Variants in CPNE4 observed in about 807,000 individuals in gnomAD.
CPNE4 encodes the protein copine 4.
A neutral mutation model predicts 67.9 loss-of-function variants in CPNE4; 25 were observed. The ratio of observed to expected loss-of-function variants is 0.37; its 90% CI spans 0.27 to 0.51. The LOEUF (loss-of-function observed/expected upper bound fraction) is 0.51. Ranked by LOEUF, CPNE4 falls within the 20% of genes least tolerant of loss-of-function variation. The pLI is 0.93. For missense variants in CPNE4, 464 were observed against 690.8 expected (o/e 0.67, Z 3.68); for synonymous variants, 242 against 244.9 (o/e 0.99, Z 0.11).
intron 12 of CPNE4, among the ~76,000 whole-genome samples, chr3:131,553,892 A>G (rs1936320245): frequency 6.6e-6 from 1 of 152,068 alleles, no homozygotes; most frequent in Non-Finnish European, 1.5e-5. Flanking sequence ...GGGGACCCGA[A>G]ATGGGGAAAT....
intron 7 of CPNE4, among the ~76,000 whole-genome samples, chr3:131,644,217 G>A (rs1416314336): frequency 6.6e-6 from 1 of 151,576 alleles, no homozygotes; most frequent in Non-Finnish European, 1.5e-5. Flanking sequence ...GCATGATCTC[G>A]GCTCACTGCA....
At chr3:131,559,433 C>G (rs1936640164) in intron 11 of CPNE4, among the ~76,000 whole-genome samples, 1 of 151,886 alleles carries the variant, frequency 6.6e-6, no homozygotes, top group African/African-American at 2.4e-5. Context: ...GAAAAACACC[C>G]CATTATCTGT....
At position 131,901,908 on chromosome 3, in the gene CPNE4, A is replaced by G. The variant is rs768544121; in HGVS notation, c.180+3356T>C. ...GAATATTTAACAGTGTGCTCTCAGG[A>G]GACTATATAAGCTGACTCCAACACA... On this transcript the variant is annotated intron_variant, in intron 2 of 15. Coordinates refer to ENST00000429747, the MANE Select transcript of CPNE4 (RefSeq NM_130808.3). Among the ~76,000 whole-genome samples, 194 of 152,072 alleles carry G rather than the reference A, an allele frequency of 1.3e-3. 1 individual carries two copies. The highest frequency in any genetic ancestry group is 2.1e-3 in the Non-Finnish European group (141 of 68,000).
intron 7 of CPNE4, among the ~76,000 whole-genome samples, chr3:131,601,116 C>T (rs974633802): frequency 2.6e-4 from 40 of 152,182 alleles, no homozygotes; most frequent in Admixed American, 1.1e-3. Context: ...CGGGGTCATT[C>T]AGAATTCAAT....
chr3:131,628,604 C>A (rs111724934), intron 7 of CPNE4, among the ~76,000 whole-genome samples: 4,907 of 152,194 alleles, frequency 0.032, 74 homozygotes, highest in African/African-American at 0.11. Flanking sequence ...AGGGATTCAA[C>A]TTCTTCCTGG....
chr3:131,953,393 T>C (rs187833548), intron 1 of CPNE4, among the ~76,000 whole-genome samples: 237 of 152,266 alleles, frequency 1.6e-3, no homozygotes, highest in African/African-American at 4.3e-3. Flanking sequence ...AGTATATTTC[T>C]TCTATGCCTA....
intron 7 of CPNE4, among the ~76,000 whole-genome samples, chr3:131,637,872 G>A (rs551537605): frequency 4.9e-4 from 74 of 152,074 alleles, no homozygotes; most frequent in Non-Finnish European, 9.7e-4. Context: ...AGGGATTGGG[G>A]TCCTATTCTT....
At chr3:131,665,686 A>AACAAACAG (rs2080241742) in intron 7 of CPNE4, among the ~76,000 whole-genome samples, 1 of 151,926 alleles carries the variant, frequency 6.6e-6, no homozygotes, top group Admixed American at 6.6e-5. Context: ...CAAACAAACA[A>AACAAACAG]AAAACAGAAA....
intron 7 of CPNE4, among the ~76,000 whole-genome samples, chr3:131,595,784 T>C (rs1043377054): frequency 6.6e-6 from 1 of 152,082 alleles, no homozygotes; most frequent in Non-Finnish European, 1.5e-5. Flanking sequence ...ATCTCCAACA[T>C]TGGGAATCAC....
chr3:131,596,798 G>A lies in CPNE4; in HGVS notation c.682-9216C>T, dbSNP rs116446504. Among the ~76,000 whole-genome samples, 191 of 152,156 alleles carry A rather than the reference G, an allele frequency of 1.3e-3. 2 individuals carry two copies. The highest frequency in any genetic ancestry group is 4.5e-3 in the African/African-American group (186 of 41,508). On this transcript the variant is annotated intron_variant, in intron 7 of 15. Coordinates refer to ENST00000429747, the MANE Select transcript of CPNE4 (RefSeq NM_130808.3). Reference sequence around the variant, plus strand: ...GCTCCTGCCCTAAAATTTCCAGTCTGCCCTTCCTGATGGCCTGATATACAG... The same window carrying A: ...GCTCCTGCCCTAAAATTTCCAGTCTACCCTTCCTGATGGCCTGATATACAG...
intron 2 of CPNE4, among the ~76,000 whole-genome samples, chr3:131,804,484 AC>A (rs1429745117): frequency 6.6e-6 from 1 of 152,130 alleles, no homozygotes; most frequent in African/African-American, 2.4e-5. Context: ...GCTTTATATA[AC>A]CTGATCTGTA....
At chr3:131,978,137 TAAATATATATA>T in intron 1 of CPNE4, among the ~76,000 whole-genome samples, 1 of 81,648 alleles carries the variant, frequency 1.2e-5, no homozygotes, top group Non-Finnish European at 2.1e-5. Context: ...TATATTTATA[TAAATATATATA>T]AAATATATAA....
At chr3:131,776,466 G>A (rs2083293413) in intron 2 of CPNE4, among the ~76,000 whole-genome samples, 1 of 152,094 alleles carries the variant, frequency 6.6e-6, no homozygotes, top group African/African-American at 2.4e-5. Flanking sequence ...GAGGCTGATG[G>A]CATCTTTGTT....
At chr3:131,861,558 GTAGTTGGGA>G (rs2086686680) in intron 2 of CPNE4, among the ~76,000 whole-genome samples, 1 of 151,988 alleles carries the variant, frequency 6.6e-6, no homozygotes, top group Non-Finnish European at 1.5e-5. Context: ...AGCCTCCCAA[GTAGTTGGGA>G]TTACAGGCGC....
At chr3:131,997,398 T>C (rs2073322599) in intron 1 of CPNE4, among the ~76,000 whole-genome samples, 1 of 152,072 alleles carries the variant, frequency 6.6e-6, no homozygotes, top group Non-Finnish European at 1.5e-5. Context: ...TCCTGAGAAA[T>C]GGTCTACTTA....
At chr3:131,794,006 A>T (rs898922705) in intron 2 of CPNE4, among the ~76,000 whole-genome samples, 2 of 152,218 alleles carry the variant, frequency 1.3e-5, no homozygotes, top group South Asian at 4.1e-4. Flanking sequence ...GTTTACATGC[A>T]TATTTATTCA....
chr3:131,971,091 A>G (rs2072487248), intron 1 of CPNE4, among the ~76,000 whole-genome samples: 1 of 152,238 alleles, frequency 6.6e-6, no homozygotes, highest in Admixed American at 6.5e-5. Flanking sequence ...AGATCTAAAG[A>G]GTCCAAGATG....
At chr3:131,965,802 A>G (rs1282059766) in intron 1 of CPNE4, among the ~76,000 whole-genome samples, 3 of 152,186 alleles carry the variant, frequency 2.0e-5, no homozygotes, top group Non-Finnish European at 4.4e-5. Context: ...CACTGTCACT[A>G]TTAGACAGAT....
intron 2 of CPNE4, among the ~76,000 whole-genome samples, chr3:131,729,882 C>T (rs1052302150): frequency 3.9e-5 from 6 of 152,198 alleles, no homozygotes; most frequent in Non-Finnish European, 7.3e-5. Flanking sequence ...GAAGCTGCCT[C>T]CTGCCTAGTA....
Sources: allele counts gnomAD v4.1 joint callset (sites outside exome capture counted in the v4.1 genomes callset), GRCh38; gene constraint gnomAD v4.1.1; transcripts MANE v1.5; gene names NCBI Gene and HGNC (gene_info 2026-07-23, HGNC 2026-07-21).